The following PEAK1 variants were observed in gnomAD, a reference collection of about 807,000 sequenced individuals.
PEAK1 encodes inactive tyrosine-protein kinase PEAK1.
PEAK1 carries 54 observed loss-of-function variants against 124.7 expected under a neutral mutation model. That is an observed-to-expected ratio of 0.43 (90% CI 0.35 to 0.54). The LOEUF is 0.54. Ranked by LOEUF, PEAK1 falls within the 20% of genes least tolerant of loss-of-function variation. The probability of loss-of-function intolerance (pLI) is 0.01; values close to 1 mark genes in which losing one functional copy is unlikely to be tolerated. For missense variants in PEAK1, 2,046 were observed against 2,134.5 expected, an observed-to-expected ratio of 0.96 and a Z score of 0.82; for synonymous variants, 719 against 760.0, an observed-to-expected ratio of 0.95 and a Z score of 0.89.
At chr15:77,223,886 A>ATTTTTTTTTTTTTTTT (rs10719377) in intron 6 of PEAK1, among the ~76,000 whole-genome samples, 50 of 121,562 alleles carry the variant, frequency 4.1e-4, no homozygotes, top group Admixed American at 6.0e-4. Flanking sequence ...CATTTGAGAG[A>ATTTTTTTTTTTTTTTT]TTTTTTTTTT....
chr15:77,399,940 T>G (rs1208790175), intron 1 of PEAK1, among the ~76,000 whole-genome samples: 1 of 152,106 alleles, frequency 6.6e-6, no homozygotes, highest in Non-Finnish European at 1.5e-5. Context: ...ACAACCAGAA[T>G]ATAGAAGGAG....
chr15:77,405,495 A>C (rs2071743715), intron 1 of PEAK1, among the ~76,000 whole-genome samples: 1 of 152,202 alleles, frequency 6.6e-6, no homozygotes, highest in South Asian at 2.1e-4. Flanking sequence ...AATTTTTAAA[A>C]GATGTGTGGT....
At chr15:77,284,171 A>G (rs1204333663) in intron 4 of PEAK1, 141 bp from the exon 5 acceptor site, 4 of 247,116 alleles carry the variant, frequency 1.6e-5, no homozygotes, top group African/African-American at 2.3e-5. Context: ...GATGAGGCTC[A>G]CATGAGATTA....
upstream of PEAK1, chr15:77,420,490 CA>C (rs1364266476): frequency 5.7e-6 from 1 of 175,006 alleles, no homozygotes; most frequent in Non-Finnish European, 1.2e-5. Flanking sequence ...AGGAAAAGAC[CA>C]GGGGAGTCTG....
chr15:77,256,160 T>A (rs553857133), intron 5 of PEAK1, among the ~76,000 whole-genome samples: 1 of 152,090 alleles, frequency 6.6e-6, no homozygotes, highest in African/African-American at 2.4e-5. Flanking sequence ...ATTAATAAGA[T>A]AAGCATAATA....
At chr15:77,224,318 A>G (rs1368827659) in intron 6 of PEAK1, among the ~76,000 whole-genome samples, 1 of 152,016 alleles carries the variant, frequency 6.6e-6, no homozygotes, top group Non-Finnish European at 1.5e-5. Flanking sequence ...ATAATGCAGG[A>G]AAAGGATTTG....
intron 6 of PEAK1, among the ~76,000 whole-genome samples, chr15:77,205,936 A>C: frequency 7.1e-6 from 1 of 141,158 alleles, no homozygotes; most frequent in South Asian, 2.5e-4. Context: ...CTAACTCGTC[A>C]TCTAGCATTA....
At chr15:77,337,000 G>A in intron 2 of PEAK1, 1 of 543,364 alleles carries the variant, frequency 1.8e-6, no homozygotes, top group Non-Finnish European at 2.3e-6. Flanking sequence ...CAAAGATATA[G>A]AAATATCCAA....
chr15:77,260,775 T>C (rs2061399146), intron 5 of PEAK1, among the ~76,000 whole-genome samples: 1 of 152,154 alleles, frequency 6.6e-6, no homozygotes, highest in Non-Finnish European at 1.5e-5. Context: ...AAGAGAGTAG[T>C]GGTTCTCCCA....
At chr15:77,237,837 T>G (rs1207485382) in intron 6 of PEAK1, among the ~76,000 whole-genome samples, 1 of 152,128 alleles carries the variant, frequency 6.6e-6, no homozygotes, top group Non-Finnish European at 1.5e-5. Flanking sequence ...ATTGAATGAG[T>G]TTTTGCTTTG....
intron 2 of PEAK1, chr15:77,348,152 G>T (rs1193798970): frequency 5.1e-6 from 5 of 983,878 alleles, no homozygotes; most frequent in Non-Finnish European, 6.0e-6. Flanking sequence ...TGAGGTATAT[G>T]GCAATGTGTC....
At chr15:77,232,560 G>C (rs1481979980) in intron 6 of PEAK1, among the ~76,000 whole-genome samples, 3 of 152,096 alleles carry the variant, frequency 2.0e-5, no homozygotes, top group Non-Finnish European at 4.4e-5. Context: ...CCAACCAGAT[G>C]AATTTCATCT....
At chr15:77,328,733 C>A (rs2065724258) in intron 2 of PEAK1, among the ~76,000 whole-genome samples, 1 of 152,102 alleles carries the variant, frequency 6.6e-6, no homozygotes, top group Admixed American at 6.6e-5. Context: ...ACACAATTCA[C>A]AGAAAAGTGA....
chr15:77,263,235 G>T (rs2061534970), intron 5 of PEAK1, among the ~76,000 whole-genome samples: 1 of 152,008 alleles, frequency 6.6e-6, no homozygotes, highest in Non-Finnish European at 1.5e-5. Context: ...CTAGTAGAAG[G>T]CAAGAAATAA....
intron 2 of PEAK1, among the ~76,000 whole-genome samples, chr15:77,287,902 T>G (rs968999517): frequency 1.3e-5 from 2 of 152,316 alleles, no homozygotes; most frequent in South Asian, 2.1e-4. Context: ...TCTTCAATTC[T>G]TATTGATTTC....
chr15:77,359,251 A>C (rs960776886), intron 2 of PEAK1, among the ~76,000 whole-genome samples: 16 of 152,098 alleles, frequency 1.1e-4, no homozygotes, highest in African/African-American at 3.9e-4. Context: ...CAGCCTGAGC[A>C]ACATGGCGAA....
At chr15:77,333,322 C>T in intron 2 of PEAK1, 1 of 980,684 alleles carries the variant, frequency 1.0e-6, no homozygotes, top group African/African-American at 1.7e-5. Context: ...TTTAATTTTG[C>T]ATTTAGAAGA....
At position 77,403,946 on chromosome 15, in the gene PEAK1, G is replaced by C. The variant is rs920658654; in HGVS notation, c.-666+16060C>G. Reference sequence around the variant, plus strand: ...GTTCAGGGGATACATTTACAAGTTTGTTGCATGGGTAAACTGCGTGTCACA... The same window carrying C: ...GTTCAGGGGATACATTTACAAGTTTCTTGCATGGGTAAACTGCGTGTCACA... On this transcript the variant is annotated intron_variant, in intron 1 of 9. Transcript: ENST00000682557. 7 of 969,064 alleles carry C rather than the reference G, an allele frequency of 7.2e-6. No individual in the cohort carries two copies. The Admixed American group carries it at 4.3e-4, about 60-fold the overall frequency. 60.0% of individuals were successfully genotyped at this position (969,064 alleles called of 1,614,324 possible). A position where few individuals can be genotyped will look rare whatever the true frequency, so the allele number is the denominator to read the frequency against.
intron 1 of PEAK1, among the ~76,000 whole-genome samples, chr15:77,369,244 C>T (rs1338310778): frequency 1.3e-5 from 2 of 152,056 alleles, no homozygotes; most frequent in Non-Finnish European, 2.9e-5. Context: ...ACTCAGACAC[C>T]AGGAAGTTTT....
Sources: gnomAD v4.1 joint callset for allele counts (sites outside exome capture counted in the v4.1 genomes callset) on GRCh38, gnomAD v4.1.1 for gene constraint, MANE v1.5 for transcripts, NCBI Gene and HGNC (gene_info 2026-07-23, HGNC 2026-07-21) for gene names.